The following MALRD1 variants were observed in gnomAD, a reference collection of about 807,000 sequenced individuals.
MALRD1 encodes the protein MAM and LDL receptor class A domain containing 1.
MALRD1 carries 247 observed loss-of-function variants against 242.1 expected under a neutral mutation model. The ratio of observed to expected loss-of-function variants is 1.02; its 90% CI spans 0.92 to 1.13. The LOEUF (loss-of-function observed/expected upper bound fraction) is 1.13. Among genes scored for constraint, MALRD1 ranks in the 50% most tolerant of loss-of-function variants. MALRD1 has a pLI of 0.00. For missense variants in MALRD1, 2,989 were observed against 2,533.1 expected, an observed-to-expected ratio of 1.18 and a Z score of -3.86; for synonymous variants, 995 against 866.6, an observed-to-expected ratio of 1.15 and a Z score of -2.60.
rs1275677283 is a variant in MALRD1, at chr10:19,530,427, ATAAT to A, written c.5321-766_5321-763del. Among the ~76,000 whole-genome samples, 390 of 19,658 alleles carry A rather than the reference ATAAT, an allele frequency of 0.02. 32 individuals are homozygous for A. The East Asian group carries it at 0.26, about 13-fold the overall frequency. The allele number at this position is 19,658 out of a possible 152,430, so 12.9% of individuals were successfully genotyped here. ...TATATATTTATATAATAATAAATAT[ATAAT>A]ATATATAATATATAATATATAATAT... On this transcript the variant is annotated intron_variant, in intron 31 of 39. Transcript: ENST00000454679.
chr10:19,190,605 A>G (rs1835928482), intron 14 of MALRD1, among the ~76,000 whole-genome samples: 1 of 152,096 alleles, frequency 6.6e-6, no homozygotes, highest in Non-Finnish European at 1.5e-5. Flanking sequence ...TGTATAGATC[A>G]GTGGAATAGA....
intron 38 of MALRD1, among the ~76,000 whole-genome samples, chr10:19,698,364 A>T (rs991906277): frequency 1.3e-5 from 2 of 152,196 alleles, no homozygotes; most frequent in Admixed American, 6.5e-5. Context: ...CAAGTAACAC[A>T]TGTTCTTTGA....
At chr10:19,105,438 C>A (rs1421258205) in intron 5 of MALRD1, among the ~76,000 whole-genome samples, 1 of 151,948 alleles carries the variant, frequency 6.6e-6, no homozygotes, top group East Asian at 1.9e-4. Flanking sequence ...AGGTTGATTT[C>A]ATATCTTGGC....
At chr10:19,213,164 T>G (rs970785391) in intron 18 of MALRD1, among the ~76,000 whole-genome samples, 16 of 152,170 alleles carry the variant, frequency 1.1e-4, no homozygotes, top group African/African-American at 3.9e-4. Context: ...TTTGCCTTAC[T>G]CAGAGTTCCA....
intron 26 of MALRD1, among the ~76,000 whole-genome samples, chr10:19,356,238 T>A (rs945440078): frequency 6.6e-6 from 1 of 152,084 alleles, no homozygotes; most frequent in Non-Finnish European, 1.5e-5. Flanking sequence ...TATATCTATA[T>A]GTAAATCTGT....
chr10:19,575,294 T>G (rs532848794), intron 33 of MALRD1, among the ~76,000 whole-genome samples: 1 of 152,278 alleles, frequency 6.6e-6, no homozygotes, highest in Admixed American at 6.5e-5. Context: ...GCCTATTTCT[T>G]TGGTGTAAAT....
chr10:19,481,695 G>A (rs1473247736), intron 29 of MALRD1, among the ~76,000 whole-genome samples: 1 of 152,040 alleles, frequency 6.6e-6, no homozygotes, highest in Admixed American at 6.6e-5. Flanking sequence ...GAGAAGAATG[G>A]AATTTTATAA....
intron 14 of MALRD1, among the ~76,000 whole-genome samples, chr10:19,199,714 T>G (rs1408343264): frequency 6.6e-6 from 1 of 151,884 alleles, no homozygotes; most frequent in Non-Finnish European, 1.5e-5. Context: ...GGCATGAGAA[T>G]TGCTTGAACC....
chr10:19,534,315 T>C (rs1473453506), intron 32 of MALRD1, among the ~76,000 whole-genome samples: 1 of 152,202 alleles, frequency 6.6e-6, no homozygotes, highest in Non-Finnish European at 1.5e-5. Flanking sequence ...GATGAAAACC[T>C]TCCTAAGCAT....
intron 29 of MALRD1, among the ~76,000 whole-genome samples, chr10:19,478,215 G>A (rs3864832): frequency 0.34 from 51,384 of 152,040 alleles, 8,962 homozygotes; most frequent in East Asian, 0.43. Context: ...ACAGATAAGC[G>A]AATGCTTCAA....
At chr10:19,110,164 C>G (rs1050855250) in intron 5 of MALRD1, among the ~76,000 whole-genome samples, 9 of 152,144 alleles carry the variant, frequency 5.9e-5, no homozygotes, top group Admixed American at 2.6e-4. Flanking sequence ...TTGTTTTAGT[C>G]CTTTTTCATG....
At chr10:19,654,110 A>G (rs2131714131) in intron 36 of MALRD1, among the ~76,000 whole-genome samples, 1 of 152,326 alleles carries the variant, frequency 6.6e-6, no homozygotes, top group Middle Eastern at 3.4e-3. Context: ...GGAGCAGATG[A>G]ATTTGTGATT....
intron 14 of MALRD1, among the ~76,000 whole-genome samples, chr10:19,202,776 A>G (rs984011390): frequency 1.3e-5 from 2 of 152,148 alleles, no homozygotes; most frequent in South Asian, 2.1e-4. Context: ...AATTCAGATT[A>G]TACCTTTTTG....
intron 32 of MALRD1, 79 bp downstream of exon 32, chr10:19,531,430 G>T: frequency 7.3e-7 from 1 of 1,362,290 alleles, no homozygotes; most frequent in Non-Finnish European, 9.8e-7. Flanking sequence ...TGTCTTATTT[G>T]TATTTTTGTT....
At chr10:19,663,127 T>C (rs908913408) in intron 36 of MALRD1, among the ~76,000 whole-genome samples, 1 of 152,146 alleles carries the variant, frequency 6.6e-6, no homozygotes, top group African/African-American at 2.4e-5. Context: ...GTCACCCATA[T>C]AATGGACATT....
intron 32 of MALRD1, among the ~76,000 whole-genome samples, chr10:19,542,183 A>C (rs1835000956): frequency 6.6e-6 from 1 of 152,150 alleles, no homozygotes; most frequent in Non-Finnish European, 1.5e-5. Flanking sequence ...ACTAGGTGCA[A>C]AGTCACCTTG....
At chr10:19,436,643 C>T (rs1469441788) in intron 28 of MALRD1, among the ~76,000 whole-genome samples, 1 of 152,148 alleles carries the variant, frequency 6.6e-6, no homozygotes, top group Non-Finnish European at 1.5e-5. Context: ...CTCATTTCCC[C>T]ATTTTCCTAG....
chr10:19,477,827 G>A (rs866816224), intron 29 of MALRD1, among the ~76,000 whole-genome samples: 37 of 152,138 alleles, frequency 2.4e-4, no homozygotes, highest in Non-Finnish European at 4.3e-4. Context: ...TCATCCCACC[G>A]TAATCTTTTA....
At chr10:19,185,698 A>G (rs982563730) in intron 14 of MALRD1, among the ~76,000 whole-genome samples, 1 of 152,118 alleles carries the variant, frequency 6.6e-6, no homozygotes. Flanking sequence ...CTCAGTATTG[A>G]CCAAGAATAA....
Sources: gnomAD v4.1 joint callset for allele counts (sites outside exome capture counted in the v4.1 genomes callset) on GRCh38, gnomAD v4.1.1 for gene constraint, MANE v1.5 for transcripts, NCBI Gene and HGNC (gene_info 2026-07-23, HGNC 2026-07-21) for gene names.